Variants in ODAD2 observed in about 807,000 individuals in gnomAD.
The protein encoded by ODAD2 is outer dynein arm-docking complex subunit 2.
ODAD2 carries 89 observed loss-of-function variants against 106.8 expected under a neutral mutation model. That is an observed-to-expected ratio of 0.83 (90% CI 0.70 to 0.99). ODAD2 has a LOEUF of 0.99. Ranked by LOEUF, ODAD2 falls within the 50% of genes least tolerant of loss-of-function variation. The pLI is 0.00. For synonymous variants in ODAD2, 404 were observed against 436.2 expected (o/e 0.93, Z 0.92); for missense variants, 1,168 against 1,238.5 (o/e 0.94, Z 0.85).
At chr10:27,998,971 G>C (rs1056494260) in intron 1 of ODAD2, 23 bp downstream of exon 1, 4 of 156,432 alleles carry the variant, frequency 2.6e-5, no homozygotes, top group Non-Finnish European at 5.6e-5. Flanking sequence ...TCACCCGGCC[G>C]CGACCGCAGC....
rs1025747125 is a variant in ODAD2 at position 27,824,107 on chromosome 10, C to G, written c.3022-11482G>C. Among the ~76,000 whole-genome samples the G allele has an allele frequency of 3.9e-5, 4 of 102,094 alleles. 1 individual carries two copies. The highest frequency in any genetic ancestry group is 1.2e-4 in the African/African-American group (2 of 17,138). 67.0% of individuals were successfully genotyped at this position (102,094 alleles called of 152,430 possible). A position where few individuals can be genotyped will look rare whatever the true frequency, so the allele number is the denominator to read the frequency against. ...AGTGAGCCGAGATTGCGCCACTGCA[C>G]TCCAGCCTGGGCGACAGCGAGACTC... On this transcript the variant is annotated intron_variant, in intron 19 of 19. Coordinates refer to ENST00000305242, the MANE Select transcript of ODAD2 (RefSeq NM_018076.5).
chr10:27,882,301 T>A (rs1044296167), intron 17 of ODAD2, among the ~76,000 whole-genome samples: 4 of 151,724 alleles, frequency 2.6e-5, no homozygotes, highest in African/African-American at 4.8e-5. Context: ...TGGAATAAAA[T>A]TTTTTTTTAA....
chr10:27,944,719 G>A (rs1846748336), intron 11 of ODAD2, 97 bp downstream of exon 11: 2 of 1,447,264 alleles, frequency 1.4e-6, no homozygotes, highest in Admixed American at 3.8e-5. Flanking sequence ...ATAAAGACAA[G>A]AACCAGGCAA....
chr10:27,986,165 A>T (rs1004331345), intron 3 of ODAD2, among the ~76,000 whole-genome samples: 2 of 152,184 alleles, frequency 1.3e-5, no homozygotes, highest in Non-Finnish European at 2.9e-5. Context: ...AGCAGCGAAA[A>T]GGAGACAAAG....
At chr10:27,822,514 CA>C (rs11335874) in intron 19 of ODAD2, among the ~76,000 whole-genome samples, 3,895 of 152,300 alleles carry the variant, frequency 0.026, 179 homozygotes, top group African/African-American at 0.089. Context: ...AACCCAGTAA[CA>C]AGAAATGCCT....
chr10:27,888,572 C>T (rs1842378169), intron 17 of ODAD2, among the ~76,000 whole-genome samples: 2 of 151,964 alleles, frequency 1.3e-5, no homozygotes, highest in Admixed American at 6.6e-5. Flanking sequence ...AGTCCCTTGT[C>T]GGATATGTAC....
At chr10:27,816,939 G>A (rs770685107) in intron 19 of ODAD2, among the ~76,000 whole-genome samples, 14 of 152,038 alleles carry the variant, frequency 9.2e-5, no homozygotes, top group African/African-American at 1.7e-4. Context: ...TAGTAGAGAC[G>A]GGGTTTTGCC....
At chr10:27,960,856 G>C (rs1384442856) in intron 10 of ODAD2, among the ~76,000 whole-genome samples, 1 of 152,118 alleles carries the variant, frequency 6.6e-6, no homozygotes, top group African/African-American at 2.4e-5. Flanking sequence ...ACTTCTGGAC[G>C]TCGGCTTTAC....
intron 19 of ODAD2, among the ~76,000 whole-genome samples, chr10:27,847,359 G>C (rs1353916126): frequency 6.6e-6 from 1 of 152,148 alleles, no homozygotes; most frequent in African/African-American, 2.4e-5. Flanking sequence ...AAAGGCCTTT[G>C]ACAAAATTCA....
At chr10:27,967,719 C>T (rs570235942) in intron 9 of ODAD2, among the ~76,000 whole-genome samples, 14 of 151,978 alleles carry the variant, frequency 9.2e-5, no homozygotes, top group Admixed American at 3.3e-4. Context: ...GGCAAAACCC[C>T]GTATCTACTA....
chr10:27,857,978 C>T (rs1839777503), intron 19 of ODAD2, among the ~76,000 whole-genome samples: 1 of 152,184 alleles, frequency 6.6e-6, no homozygotes, highest in African/African-American at 2.4e-5. Context: ...ATAAAATTTA[C>T]ATGCATTCGA....
intron 16 of ODAD2, among the ~76,000 whole-genome samples, chr10:27,932,512 A>C (rs1038622567): frequency 6.6e-6 from 1 of 152,352 alleles, no homozygotes; most frequent in African/African-American, 2.4e-5. Flanking sequence ...ATCGAGTGAT[A>C]CAAAAATATT....
chr10:27,981,636 A>T (rs1261939738), intron 6 of ODAD2, 54 bp from the exon 7 acceptor site: 7 of 1,246,190 alleles, frequency 5.6e-6, no homozygotes, highest in Non-Finnish European at 7.8e-6. Flanking sequence ...AATTGTAAGA[A>T]GCTGATCAAT....
At chr10:27,832,830 AT>A (rs1301083828) in intron 19 of ODAD2, among the ~76,000 whole-genome samples, 1 of 152,192 alleles carries the variant, frequency 6.6e-6, no homozygotes, top group African/African-American at 2.4e-5. Context: ...AGAACTAAAC[AT>A]CTCTTTTTCA....
chr10:27,893,355 T>C (rs1025686233), intron 17 of ODAD2, among the ~76,000 whole-genome samples: 7 of 152,220 alleles, frequency 4.6e-5, no homozygotes, highest in Admixed American at 2.0e-4. Flanking sequence ...CATTTCACCA[T>C]GTCCACACCA....
Position 27,961,682 on chromosome 10 carries a change from G to A in ODAD2, c.1272C>T (p.Ser424=), listed in dbSNP as rs111982349. ...KSAEKIEETV[S]DSSSESEEDE... ...CTTCCTCACTTTCTGAGGAGCTATC[G>A]CTAACAGTTTCCTCAATCTTTTCAG... The change falls in exon 10 of 20, where the codon AGC becomes AGT. Residue 424 remains serine, a synonymous_variant. Transcript: ENST00000305242. 5,737 of 1,603,544 alleles carry A rather than the reference G, an allele frequency of 3.6e-3. 145 individuals carry two copies. The African/African-American group carries it at 0.066, about 19-fold the overall frequency.
intron 19 of ODAD2, among the ~76,000 whole-genome samples, chr10:27,827,719 G>A (rs530378194): frequency 1.1e-4 from 16 of 152,042 alleles, no homozygotes; most frequent in Admixed American, 3.3e-4. Context: ...TTCCAGCCCC[G>A]TTCCCATCCA....
chr10:27,954,062 C>A (rs1588598921), intron 10 of ODAD2, among the ~76,000 whole-genome samples: 1 of 152,154 alleles, frequency 6.6e-6, no homozygotes, highest in Non-Finnish European at 1.5e-5. Flanking sequence ...GACAATAGAT[C>A]CATATAAAGA....
intron 17 of ODAD2, among the ~76,000 whole-genome samples, chr10:27,867,565 A>G (rs1471026433): frequency 6.6e-6 from 1 of 152,200 alleles, no homozygotes; most frequent in Non-Finnish European, 1.5e-5. Flanking sequence ...CACTGTGAAG[A>G]TGACAATGGA....
Sources: gnomAD v4.1 joint callset for allele counts (sites outside exome capture counted in the v4.1 genomes callset) on GRCh38, gnomAD v4.1.1 for gene constraint, MANE v1.5 for transcripts, NCBI Gene and HGNC (gene_info 2026-07-23, HGNC 2026-07-21) for gene names.